The following ASB1 variants were observed in gnomAD, a reference collection of about 807,000 sequenced individuals.
ASB1 encodes the protein ankyrin repeat and SOCS box protein 1.
ASB1 carries 18 observed loss-of-function variants against 27.7 expected under a neutral mutation model. That is an observed-to-expected ratio of 0.65 (90% confidence interval 0.45 to 0.96). The LOEUF (loss-of-function observed/expected upper bound fraction) is 0.96, where lower values mean the gene tolerates loss of function less well. Ranked by LOEUF, ASB1 falls within the 50% of genes least tolerant of loss-of-function variation. The pLI is 0.00. For missense variants in ASB1, 397 were observed against 451.7 expected, an observed-to-expected ratio of 0.88 and a Z score of 1.10; for synonymous variants, 189 against 187.6, an observed-to-expected ratio of 1.01 and a Z score of -0.06.
In ASB1 at chr2:238,435,923, C is replaced by T. The variant is rs778929331; in HGVS notation, c.404C>T (p.Ala135Val). 2.5e-6 allele frequency: 4 copies of T among 1,614,190 alleles called. No homozygotes were observed. The highest frequency in any genetic ancestry group is 2.2e-5 in the East Asian group (1 of 44,890). ...ACCCAGATCCTTCTCGAAGCTGGCG[C>T]GGACCCCAACGGAAGCCGGCACCAT... Reference protein sequence around the residue: ...ESTQILLEAGADPNGSRHHRS... With the variant: ...ESTQILLEAGVDPNGSRHHRS... The change falls in exon 3 of 5, where the codon GCG becomes GTG. Residue 135 changes from alanine to valine, a missense_variant. Coordinates refer to ENST00000264607, the MANE Select transcript of ASB1 (RefSeq NM_001040445.3).
intron 1 of ASB1, 93 bp downstream of exon 1, chr2:238,427,212 G>A: frequency 1.0e-6 from 1 of 994,350 alleles, no homozygotes. Flanking sequence ...TCCTCGTCCC[G>A]GGCTGGCCGG....
rs1006318585 is a variant in ASB1 at position 238,427,090 on chromosome 2, C to A, written c.20C>A (p.Pro7Gln). The change falls in exon 1 of 5, where the codon CCA becomes CAA. Residue 7 changes from proline (P) to glutamine (Q), a missense_variant. Pro to Gln is a moderately conservative substitution (Grantham distance 76, BLOSUM62 -1). Transcript: ENST00000264607. MAEGGS[P>Q]DGRAGPGSAG... ...GCATCCATGGCGGAGGGCGGCAGCC[C>A]AGACGGGCGGGCAGGGCCGGGCTCC... 2 of 1,262,914 alleles carry A rather than the reference C, an allele frequency of 1.6e-6. No individual in the cohort carries two copies. The highest frequency in any genetic ancestry group is 2.9e-5 in the South Asian group (1 of 34,602). The allele number at this position is 1,262,914 out of a possible 1,614,324, so 78.2% of individuals were successfully genotyped here. A position where few individuals can be genotyped will look rare whatever the true frequency, so the allele number is the denominator to read the frequency against.
chr2:238,436,729 GT>G (rs905108095), intron 3 of ASB1, among the ~76,000 whole-genome samples: 1 of 147,296 alleles, frequency 6.8e-6, no homozygotes, highest in Admixed American at 6.8e-5. Context: ...GACCATGGGT[GT>G]TTTGTTTACA....
At chr2:238,436,152 G>C in intron 3 of ASB1, 139 bp downstream of exon 3, 1 of 671,876 alleles carries the variant, frequency 1.5e-6, no homozygotes, top group Non-Finnish European at 2.3e-6. Flanking sequence ...CTGCCTCTTG[G>C]CTTTATCAGG....
rs1702222491 is a variant in ASB1, at chr2:238,448,549, G to C, written c.*2038G>C. The C allele has an allele frequency of 6.6e-6, 1 of 152,214 alleles. No homozygotes were observed. The highest frequency in any genetic ancestry group is 2.4e-5 in the African/African-American group (1 of 41,456). 9.4% of individuals were successfully genotyped at this position (152,214 alleles called of 1,614,324 possible). A position where few individuals can be genotyped will look rare whatever the true frequency, so the allele number is the denominator to read the frequency against. ...AGAGGAGGGTGGCTTTTTTCGAGGT[G>C]AGCCATGTTGTAGACACATGATACG... On this transcript the variant is annotated 3_prime_UTR_variant, in exon 5 of 5. Transcript: ENST00000264607.
chr2:238,440,653 G>C (rs1328276278), intron 3 of ASB1, among the ~76,000 whole-genome samples: 2 of 152,216 alleles, frequency 1.3e-5, no homozygotes, highest in African/African-American at 4.8e-5. Flanking sequence ...ACTGATCCCT[G>C]TTCAGAGTGA....
In ASB1 at chr2:238,451,138, C is replaced by T. The variant is rs1361503619; in HGVS notation, c.*4627C>T. ...ACATGATGCACGTGGGTGGGATTCA[C>T]ATCCCAGGAGAATTCCACGGAGAGG... On this transcript the variant is annotated 3_prime_UTR_variant, in exon 5 of 5. Coordinates refer to ENST00000264607, the MANE Select transcript of ASB1 (RefSeq NM_001040445.3). The T allele has an allele frequency of 6.6e-6, 1 of 151,852 alleles. No individual in the cohort carries two copies. Among genetic ancestry groups the T allele is most frequent in the East Asian group, 1.9e-4 (1 of 5,190 alleles). 9.4% of individuals were successfully genotyped at this position (151,852 alleles called of 1,614,324 possible).
chr2:238,433,080 C>T (rs995873312), intron 1 of ASB1, among the ~76,000 whole-genome samples: 5 of 152,166 alleles, frequency 3.3e-5, no homozygotes, highest in Non-Finnish European at 5.9e-5. Context: ...ATCTTGCATC[C>T]GTATTCTTCA....
rs1701958064 is a variant in ASB1, at chr2:238,435,810, C to T, written c.291C>T (p.Leu97=). 3.7e-6 allele frequency: 6 copies of T among 1,614,134 alleles called. No individual in the cohort carries two copies. In the Admixed American group the frequency reaches 8.3e-5, roughly 22 times the overall value. ...GCCATGGGAGCTGTGTGGACTTCCT[C>T]ATCCGGAAGGGGGCCGAGGTGGATC... ...TAGHGSCVDF[L]IRKGAEVDLV... The change falls in exon 3 of 5, where the codon CTC becomes CTT. Residue 97 remains leucine, a synonymous_variant. Coordinates refer to ENST00000264607, the MANE Select transcript of ASB1 (RefSeq NM_001040445.3).
intron 2 of ASB1, among the ~76,000 whole-genome samples, chr2:238,434,367 T>A (rs1575002697): frequency 6.6e-6 from 1 of 152,124 alleles, no homozygotes; most frequent in East Asian, 1.9e-4. Context: ...GTTCTGCGGG[T>A]CTAAGGTTGC....
chr2:238,446,571 C>T lies in ASB1; in HGVS notation c.*60C>T. ...AAAGTGATCTGCAGGGAGGTGGACA[C>T]CGAGCCCTGAGTGCTGTGCTGCTGC... On this transcript the variant is annotated 3_prime_UTR_variant, in exon 5 of 5. Coordinates refer to ENST00000264607, the MANE Select transcript of ASB1 (RefSeq NM_001040445.3). 1 of 1,597,130 alleles carries T rather than the reference C, an allele frequency of 6.3e-7. No homozygotes were observed. The highest frequency in any genetic ancestry group is 8.5e-7 in the Non-Finnish European group (1 of 1,172,898).
rs62196716 is a variant in ASB1, at chr2:238,448,336, C to G, written c.*1825C>G. The G allele has an allele frequency of 0.45, 67,842 of 152,150 alleles. 17,935 individuals are homozygous for G. Among genetic ancestry groups the G allele is most frequent in the Middle Eastern group, 0.63 (187 of 296 alleles). 9.4% of individuals were successfully genotyped at this position (152,150 alleles called of 1,614,324 possible). Reference sequence around the variant, plus strand: ...TATAGGGAGTTAAGGAATGATGATACGGAAGTTGGAGCCACCACCGTGGAC... The same window carrying G: ...TATAGGGAGTTAAGGAATGATGATAGGGAAGTTGGAGCCACCACCGTGGAC... On this transcript the variant is annotated 3_prime_UTR_variant, in exon 5 of 5. Coordinates refer to ENST00000264607, the MANE Select transcript of ASB1 (RefSeq NM_001040445.3).
At chr2:238,441,907 C>T (rs1702085112) in intron 3 of ASB1, among the ~76,000 whole-genome samples, 1 of 152,198 alleles carries the variant, frequency 6.6e-6, no homozygotes, top group Admixed American at 6.5e-5. Context: ...ACAGATTGCC[C>T]ACTCCACAGG....
chr2:238,429,315 T>C lies in ASB1; in HGVS notation c.49+2196T>C, dbSNP rs1308649686. Among the ~76,000 whole-genome samples the C allele has an allele frequency of 2.6e-5, 4 of 152,352 alleles. No individual in the cohort carries two copies. In the East Asian group the frequency reaches 5.8e-4, roughly 22 times the overall value. ...GAATCCAAGTGGTCTGAGTTTTTGC[T>C]CTTTACTTACACACGAATCTGTGTA... is the stretch of plus-strand genomic sequence containing the variant. On this transcript the variant is annotated intron_variant, in intron 1 of 4. Transcript: ENST00000264607.
At position 238,450,956 on chromosome 2, in the gene ASB1, T is replaced by C. The variant is rs773054714; in HGVS notation, c.*4445T>C. The C allele has an allele frequency of 8.6e-5, 13 of 151,626 alleles. No homozygotes were observed. Among genetic ancestry groups the C allele is most frequent in the Non-Finnish European group, 1.5e-4 (10 of 67,814 alleles). The allele number at this position is 151,626 out of a possible 1,614,324, so 9.4% of individuals were successfully genotyped here. A position where few individuals can be genotyped will look rare whatever the true frequency, so the allele number is the denominator to read the frequency against. Reference sequence around the variant, plus strand: ...CTCCTGGAAGTACCTGTTTGGGCCATGTGACCTCCTTTCTCACTTATGCCT... The same window carrying C: ...CTCCTGGAAGTACCTGTTTGGGCCACGTGACCTCCTTTCTCACTTATGCCT... On this transcript the variant is annotated 3_prime_UTR_variant, in exon 5 of 5. Transcript: ENST00000264607.
intron 3 of ASB1, among the ~76,000 whole-genome samples, chr2:238,441,680 G>A (rs1213304459): frequency 3.9e-5 from 6 of 152,250 alleles, no homozygotes; most frequent in African/African-American, 1.4e-4. Flanking sequence ...GAGCTGCACA[G>A]CGTGGCGTTG....
Position 238,447,225 on chromosome 2 carries a change from AG to A in ASB1, c.*716del, listed in dbSNP as rs1702198156. The stretch of plus-strand genomic sequence containing the variant: ...TTAGGAGGCCCACACCAAACTCCCC[AG>A]GAAATGACTGCCTTCCTTGGGACCA... On this transcript the variant is annotated 3_prime_UTR_variant, in exon 5 of 5. Coordinates refer to ENST00000264607, the MANE Select transcript of ASB1 (RefSeq NM_001040445.3). The A allele has an allele frequency of 7.2e-5, 11 of 152,806 alleles. No homozygotes were observed. The allele number at this position is 152,806 out of a possible 1,614,324, so 9.5% of individuals were successfully genotyped here.
chr2:238,440,246 A>G (rs56198112), intron 3 of ASB1, among the ~76,000 whole-genome samples: 14,119 of 152,236 alleles, frequency 0.093, 749 homozygotes, highest in Non-Finnish European at 0.12. Context: ...TTTGGACACT[A>G]GGAGTGCCTA....
At chr2:238,445,595 G>T (rs1301944613) in intron 4 of ASB1, among the ~76,000 whole-genome samples, 2 of 152,098 alleles carry the variant, frequency 1.3e-5, no homozygotes, top group African/African-American at 4.8e-5. Context: ...AGGCTCTCTG[G>T]GATTCAGACA....
Sources: gnomAD v4.1 joint callset for allele counts (sites outside exome capture counted in the v4.1 genomes callset) on GRCh38, gnomAD v4.1.1 for gene constraint, MANE v1.5 for transcripts, NCBI Gene and HGNC (gene_info 2026-07-23, HGNC 2026-07-21) for gene names.